KCNMA1: variants seen among roughly 807,000 people sequenced by gnomAD.
The protein encoded by KCNMA1 is Calcium-activated potassium channel subunit alpha-1.
A neutral mutation model predicts 140.0 loss-of-function variants in KCNMA1; 29 were observed. That is an observed-to-expected ratio of 0.21 (90% CI 0.15 to 0.28). The LOEUF (loss-of-function observed/expected upper bound fraction) is 0.28. KCNMA1 is among the 10% of genes least tolerant of loss of function. The pLI is 1.00. For missense variants in KCNMA1, 880 were observed against 1,602.2 expected, an observed-to-expected ratio of 0.55 and a Z score of 7.70; for synonymous variants, 612 against 611.9, an observed-to-expected ratio of 1.00 and a Z score of 0.00.
chr10:77,233,736 C>G (rs2054415641), intron 3 of KCNMA1, among the ~76,000 whole-genome samples: 1 of 152,202 alleles, frequency 6.6e-6, no homozygotes, highest in African/African-American at 2.4e-5. Flanking sequence ...CCACCTGCCC[C>G]TTTCTCGTTA....
At chr10:77,031,596 A>G (rs1396235771) in intron 15 of KCNMA1, among the ~76,000 whole-genome samples, 1 of 152,240 alleles carries the variant, frequency 6.6e-6, no homozygotes, top group Admixed American at 6.5e-5. Context: ...GAGTGTTCAA[A>G]TCACACGTTT....
At chr10:77,044,565 C>CT (rs1305454305) in intron 14 of KCNMA1, among the ~76,000 whole-genome samples, 2 of 152,160 alleles carry the variant, frequency 1.3e-5, no homozygotes, top group African/African-American at 4.8e-5. Context: ...AGGAGGATAG[C>CT]TTGAGCACAG....
rs561692217 is a variant in KCNMA1 at position 77,114,037 on chromosome 10, A to G, written c.885-1595T>C. Reference sequence around the variant, plus strand: ...CATCACATCAGGATATCCCAGCCCAATGACTAGCTCCATCCATGTGGCTAA... The same window carrying G: ...CATCACATCAGGATATCCCAGCCCAGTGACTAGCTCCATCCATGTGGCTAA... On this transcript the variant is annotated intron_variant, in intron 6 of 27. Coordinates refer to ENST00000286628, the MANE Select transcript of KCNMA1 (RefSeq NM_001161352.2). 5.3e-5 allele frequency among the ~76,000 whole-genome samples: 8 copies of G among 152,276 alleles called. No homozygotes were observed. The East Asian group carries it at 1.5e-3, about 29-fold the overall frequency.
intron 2 of KCNMA1, among the ~76,000 whole-genome samples, chr10:77,359,361 G>A (rs888552253): frequency 6.6e-6 from 1 of 152,146 alleles, no homozygotes; most frequent in African/African-American, 2.4e-5. Flanking sequence ...GCATGTGCTG[G>A]GTCTTTGAAT....
intron 9 of KCNMA1, among the ~76,000 whole-genome samples, chr10:77,094,099 A>G (rs1482997148): frequency 6.6e-5 from 10 of 152,204 alleles, no homozygotes; most frequent in Non-Finnish European, 1.0e-4. Context: ...GGTAAGCACT[A>G]TGAAATGGTA....
At chr10:77,220,194 T>A (rs2049138485) in intron 3 of KCNMA1, among the ~76,000 whole-genome samples, 1 of 152,196 alleles carries the variant, frequency 6.6e-6, no homozygotes, top group Admixed American at 6.5e-5. Context: ...AGAGGTGAAA[T>A]AAGATCACTT....
chr10:76,904,980 G>C (rs183777621), intron 25 of KCNMA1: 1 of 152,322 alleles, frequency 6.6e-6, no homozygotes, highest in Admixed American at 6.5e-5. Flanking sequence ...AAAGGGAGCA[G>C]CTGCTCAGCT....
At chr10:77,242,688 A>T (rs146269438) in intron 3 of KCNMA1, among the ~76,000 whole-genome samples, 23 of 152,270 alleles carry the variant, frequency 1.5e-4, no homozygotes, top group African/African-American at 5.5e-4. Flanking sequence ...ATCTAGCATT[A>T]TACATAAGTA....
chr10:77,355,844 AAGG>A (rs1250956377), intron 2 of KCNMA1, among the ~76,000 whole-genome samples: 1 of 152,188 alleles, frequency 6.6e-6, no homozygotes, highest in African/African-American at 2.4e-5. Flanking sequence ...CTTCTGGTAA[AAGG>A]AGAAGGCAGA....
At chr10:77,052,091 C>T (rs1421633344) in intron 14 of KCNMA1, among the ~76,000 whole-genome samples, 1 of 152,126 alleles carries the variant, frequency 6.6e-6, no homozygotes, top group East Asian at 1.9e-4. Context: ...AGGAACTATG[C>T]CAATTAGATG....
intron 2 of KCNMA1, among the ~76,000 whole-genome samples, chr10:77,290,810 T>C (rs1277038035): frequency 6.6e-6 from 1 of 152,120 alleles, no homozygotes; most frequent in Admixed American, 6.5e-5. Flanking sequence ...GGGAGGAAAA[T>C]TCTGTGTCAT....
At chr10:77,042,779 G>A (rs1485664337) in intron 14 of KCNMA1, among the ~76,000 whole-genome samples, 1 of 152,088 alleles carries the variant, frequency 6.6e-6, no homozygotes, top group Non-Finnish European at 1.5e-5. Flanking sequence ...TAAATAAGAA[G>A]GAACACATTT....
At chr10:77,541,687 T>C (rs1028657851) in intron 1 of KCNMA1, among the ~76,000 whole-genome samples, 1 of 152,018 alleles carries the variant, frequency 6.6e-6, no homozygotes, top group Non-Finnish European at 1.5e-5. Context: ...CATGAGTCAC[T>C]AAAAAAATAA....
intron 1 of KCNMA1, among the ~76,000 whole-genome samples, chr10:77,441,283 G>A (rs1350027636): frequency 6.6e-6 from 1 of 152,052 alleles, no homozygotes; most frequent in Non-Finnish European, 1.5e-5. Flanking sequence ...TAGAGTAGAG[G>A]AGCATCATGA....
At chr10:77,582,948 G>A (rs946521771) in intron 1 of KCNMA1, among the ~76,000 whole-genome samples, 19 of 152,314 alleles carry the variant, frequency 1.2e-4, no homozygotes, top group Non-Finnish European at 1.6e-4. Flanking sequence ...AGCCCCATCC[G>A]CCAATAGCAA....
At chr10:77,600,786 C>T (rs1462603937) in intron 1 of KCNMA1, among the ~76,000 whole-genome samples, 1 of 151,922 alleles carries the variant, frequency 6.6e-6, no homozygotes, top group East Asian at 1.9e-4. Flanking sequence ...CACATATGCG[C>T]ACATGCACAC....
intron 5 of KCNMA1, among the ~76,000 whole-genome samples, chr10:77,174,138 T>C (rs929777357): frequency 1.2e-4 from 19 of 152,196 alleles, no homozygotes; most frequent in Non-Finnish European, 2.6e-4. Context: ...GTCCTGGAGC[T>C]GGAGCATGGT....
intron 19 of KCNMA1, among the ~76,000 whole-genome samples, chr10:76,971,998 T>C (rs1259291124): frequency 6.6e-6 from 1 of 151,570 alleles, no homozygotes; most frequent in Admixed American, 6.6e-5. Context: ...TGTGTGTGTG[T>C]AGGTATGCTT....
At chr10:77,274,994 AAC>A (rs1478129209) in intron 2 of KCNMA1, among the ~76,000 whole-genome samples, 5 of 152,304 alleles carry the variant, frequency 3.3e-5, no homozygotes, top group African/African-American at 9.6e-5. Flanking sequence ...TCCTGCAGCT[AAC>A]ACACAGCCAT....
Sources: allele counts gnomAD v4.1 joint callset (sites outside exome capture counted in the v4.1 genomes callset), GRCh38; gene constraint gnomAD v4.1.1; transcripts MANE v1.5; gene names NCBI Gene and HGNC (gene_info 2026-07-23, HGNC 2026-07-21).